Variants in CLEC2B observed in about 807,000 individuals in gnomAD.
CLEC2B encodes the protein C-type lectin domain family 2 member B.
Under a neutral mutation model 16.2 loss-of-function variants are expected in CLEC2B, and 14 were observed. The ratio of observed to expected loss-of-function variants is 0.86; its 90% CI spans 0.57 to 1.35. CLEC2B has a LOEUF of 1.35. Among genes scored for constraint, CLEC2B ranks in the 40% most tolerant of loss-of-function variants. The probability of loss-of-function intolerance (pLI) is 0.00; values close to 1 mark genes in which losing one functional copy is unlikely to be tolerated. For synonymous variants in CLEC2B, 42 were observed against 55.8 expected (o/e 0.75, Z 1.10); for missense variants, 166 against 182.3 (o/e 0.91, Z 0.52).
rs1867915038 is a variant in CLEC2B, at chr12:9,859,092, C to A, written c.74-1455G>T. ...GTTCTTTCTCAAAACACAGTAGCAT[C>A]CAAACTTATGGGATTCAACTAAACT... On this transcript the variant is annotated intron_variant, in intron 2 of 4. Coordinates refer to ENST00000228438, the MANE Select transcript of CLEC2B (RefSeq NM_005127.3). 3.3e-5 allele frequency among the ~76,000 whole-genome samples: 5 copies of A among 151,686 alleles called. No homozygotes were observed. In the South Asian group the frequency reaches 1.0e-3, roughly 31 times the overall value.
At chr12:9,857,867 T>C (rs2136978108) in intron 2 of CLEC2B, among the ~76,000 whole-genome samples, 1 of 152,226 alleles carries the variant, frequency 6.6e-6, no homozygotes, top group South Asian at 2.1e-4. Context: ...CAGTGATACG[T>C]AGGCCTTCCA....
intron 2 of CLEC2B, among the ~76,000 whole-genome samples, chr12:9,860,205 T>A (rs986632698): frequency 2.0e-5 from 3 of 151,576 alleles, no homozygotes; most frequent in African/African-American, 7.2e-5. Flanking sequence ...ACAGAATAGG[T>A]AAAACAATTA....
At chr12:9,854,110 G>T (rs1247517390) in intron 4 of CLEC2B, among the ~76,000 whole-genome samples, 3 of 152,118 alleles carry the variant, frequency 2.0e-5, no homozygotes, top group African/African-American at 4.8e-5. Context: ...TATAATCAGA[G>T]AAAAGTTTAA....
rs570549078 is a variant in CLEC2B at position 9,854,289 on chromosome 12, T to C, written c.341+92A>G. ...TCCATCTTTCTAACATGTGCAAAAC[T>C]CTTGGGCTCTAGAGAAATTTAGCTA... On this transcript the variant is annotated intron_variant, in intron 4 of 4. Transcript: ENST00000228438. 7.9e-6 allele frequency: 6 copies of C among 759,874 alleles called. No homozygotes were observed. The African/African-American group carries it at 9.0e-5, about 11-fold the overall frequency. 47.1% of individuals were successfully genotyped at this position (759,874 alleles called of 1,614,324 possible). A position where few individuals can be genotyped will look rare whatever the true frequency, so the allele number is the denominator to read the frequency against.
chr12:9,867,421 C>T (rs997332540), intron 1 of CLEC2B, among the ~76,000 whole-genome samples: 1 of 152,120 alleles, frequency 6.6e-6, no homozygotes, highest in African/African-American at 2.4e-5. Flanking sequence ...TAATCTATAT[C>T]GTGAACCCTG....
intron 3 of CLEC2B, chr12:9,854,775 A>G: frequency 2.3e-6 from 1 of 438,688 alleles, no homozygotes; most frequent in Non-Finnish European, 4.0e-6. Flanking sequence ...AGCTCCTAGA[A>G]AGACAAGTTT....
At chr12:9,859,387 G>C (rs967319625) in intron 2 of CLEC2B, among the ~76,000 whole-genome samples, 2 of 151,552 alleles carry the variant, frequency 1.3e-5, no homozygotes, top group Non-Finnish European at 3.0e-5. Context: ...TTGACCACTA[G>C]GAAAACTGAT....
rs750351424 is a variant in CLEC2B, at chr12:9,854,450, T to C, written c.272A>G (p.His91Arg). Residue 91 changes from histidine to arginine, a missense_variant, in exon 4 of 5, where the codon CAC (histidine) becomes CGC (arginine). Coordinates refer to ENST00000228438, the MANE Select transcript of CLEC2B (RefSeq NM_005127.3). ...TTTTGCCATCTTCAGTCCAATCCAG[T>C]GATCAGAACTGCATTTATACCGCCT... ...FLRRYKCSSD[H>R]WIGLKMAKNR... 44 of 1,613,290 alleles carry C rather than the reference T, an allele frequency of 2.7e-5. 1 individual carries two copies. In the South Asian group the frequency reaches 4.7e-4, roughly 17 times the overall value.
intron 3 of CLEC2B, among the ~76,000 whole-genome samples, chr12:9,856,005 C>T (rs1867892127): frequency 6.6e-6 from 1 of 152,078 alleles, no homozygotes; most frequent in Admixed American, 6.6e-5. Flanking sequence ...CCATGGTCTT[C>T]AAAATATATC....
intron 1 of CLEC2B, among the ~76,000 whole-genome samples, chr12:9,865,622 A>G (rs560978442): frequency 5.3e-5 from 8 of 152,324 alleles, no homozygotes; most frequent in African/African-American, 1.9e-4. Context: ...ACAGGAAATC[A>G]ACAAGGAATA....
At chr12:9,857,863 T>C (rs181836480) in intron 2 of CLEC2B, among the ~76,000 whole-genome samples, 2 of 152,238 alleles carry the variant, frequency 1.3e-5, no homozygotes, top group East Asian at 3.9e-4. Flanking sequence ...ACTTCAGTGA[T>C]ACGTAGGCCT....
rs1462771934 is a variant in CLEC2B, at chr12:9,852,596, C to T, written c.*704G>A. On this transcript the variant is annotated 3_prime_UTR_variant, in exon 5 of 5. Coordinates refer to ENST00000228438, the MANE Select transcript of CLEC2B (RefSeq NM_005127.3). Reference sequence around the variant, plus strand: ...TGTGTGCCCTGAGTGCCTTTTTCCCCTGGCCTGTCTACCCTGTTTTAGTTG... The same window carrying T: ...TGTGTGCCCTGAGTGCCTTTTTCCCTTGGCCTGTCTACCCTGTTTTAGTTG... Among the ~76,000 whole-genome samples, 1 of 152,176 alleles carries T rather than the reference C, an allele frequency of 6.6e-6. No individual in the cohort carries two copies. Among genetic ancestry groups the T allele is most frequent in the East Asian group, 1.9e-4 (1 of 5,190 alleles).
intron 1 of CLEC2B, among the ~76,000 whole-genome samples, chr12:9,865,027 A>G (rs952845080): frequency 1.3e-5 from 2 of 152,084 alleles, no homozygotes; most frequent in East Asian, 3.9e-4. Context: ...TACTAAAAAT[A>G]CAAAACTTAG....
At chr12:9,865,646 GCA>G (rs1025610202) in intron 1 of CLEC2B, among the ~76,000 whole-genome samples, 1 of 152,114 alleles carries the variant, frequency 6.6e-6, no homozygotes, top group Non-Finnish European at 1.5e-5. Flanking sequence ...GAGTTATACT[GCA>G]CACTTTACCA....
chr12:9,867,364 G>A (rs1867978138), intron 1 of CLEC2B: 1 of 152,132 alleles, frequency 6.6e-6, no homozygotes, highest in Non-Finnish European at 1.5e-5. Flanking sequence ...TTGCATGTCT[G>A]AATATGTAGG....
At chr12:9,858,495 G>A (rs1252147953) in intron 2 of CLEC2B, among the ~76,000 whole-genome samples, 1 of 151,924 alleles carries the variant, frequency 6.6e-6, no homozygotes, top group Non-Finnish European at 1.5e-5. Context: ...TAAGGAAACA[G>A]AACCTTGAGG....
intron 1 of CLEC2B, chr12:9,867,069 T>C (rs566106327): frequency 6.6e-6 from 1 of 152,316 alleles, no homozygotes; most frequent in South Asian, 2.1e-4. Context: ...CAGTGTGGCT[T>C]TTGTTATGAG....
intron 3 of CLEC2B, among the ~76,000 whole-genome samples, chr12:9,856,046 A>G (rs1033257638): frequency 4.2e-4 from 64 of 152,016 alleles, no homozygotes; most frequent in Non-Finnish European, 8.8e-5. Flanking sequence ...TTTTTTCTTC[A>G]TCCAAACAGT....
At chr12:9,857,836 C>T (rs1268613482) in intron 2 of CLEC2B, among the ~76,000 whole-genome samples, 199 bp from the exon 3 acceptor site, 1 of 151,990 alleles carries the variant, frequency 6.6e-6, no homozygotes, top group Non-Finnish European at 1.5e-5. Context: ...TTTATCAGGG[C>T]ATTTCTTTCA....
Sources: gnomAD v4.1 joint callset for allele counts (sites outside exome capture counted in the v4.1 genomes callset) on GRCh38, gnomAD v4.1.1 for gene constraint, MANE v1.5 for transcripts, NCBI Gene and HGNC (gene_info 2026-07-23, HGNC 2026-07-21) for gene names.